The following SYNE2 variants were observed in gnomAD, a reference collection of about 807,000 sequenced individuals.
SYNE2 encodes nesprin-2.
Under a neutral mutation model 856.3 loss-of-function variants are expected in SYNE2, and 431 were observed. The ratio of observed to expected loss-of-function variants is 0.50; its 90% CI spans 0.47 to 0.55. SYNE2 has a LOEUF of 0.55. SYNE2 is among the 20% of genes least tolerant of loss of function. The pLI, the probability that SYNE2 is intolerant of heterozygous loss-of-function variation, is 0.00. For synonymous variants in SYNE2, 2,923 were observed against 2,872.3 expected, an observed-to-expected ratio of 1.02 and a Z score of -0.56; for missense variants, 8,129 against 8,023.2, an observed-to-expected ratio of 1.01 and a Z score of -0.50.
At chr14:63,884,384 C>T (rs911608849) in intron 1 of SYNE2, among the ~76,000 whole-genome samples, 3 of 152,176 alleles carry the variant, frequency 2.0e-5, no homozygotes, top group African/African-American at 7.2e-5. Flanking sequence ...TGTCCAGTAA[C>T]TCCTTGCACG....
chr14:63,849,446 C>A (rs1890334353), upstream of SYNE2, among the ~76,000 whole-genome samples: 1 of 152,052 alleles, frequency 6.6e-6, no homozygotes, highest in African/African-American at 2.4e-5. Flanking sequence ...CTCCTATTAC[C>A]ACCAGGGTTG....
chr14:64,123,868 TCA>T (rs34459065), intron 70 of SYNE2, among the ~76,000 whole-genome samples: 33,435 of 147,970 alleles, frequency 0.23, 6,341 homozygotes, highest in African/African-American at 0.53. Context: ...ATTAATGATT[TCA>T]CACACACACA....
chr14:64,011,516 T>C (rs1188736549), intron 32 of SYNE2, among the ~76,000 whole-genome samples: 1 of 152,200 alleles, frequency 6.6e-6, no homozygotes, highest in East Asian at 1.9e-4. Context: ...CCTTCTGCCG[T>C]GTCCCCGATA....
intron 16 of SYNE2, 74 bp from the exon 17 acceptor site, chr14:63,982,556 G>C: frequency 2.9e-6 from 4 of 1,380,574 alleles, no homozygotes; most frequent in Non-Finnish European, 1.0e-6. Context: ...AAAAGCCTTG[G>C]TGAACATTGA....
intron 101 of SYNE2, 82 bp from the exon 102 acceptor site, chr14:64,209,346 T>G: frequency 6.2e-7 from 1 of 1,608,834 alleles, no homozygotes; most frequent in Non-Finnish European, 8.5e-7. Context: ...CACTAAACCG[T>G]GCGGGTGTCA....
At chr14:64,019,418 TG>T (rs2096919783) in intron 34 of SYNE2, among the ~76,000 whole-genome samples, 1 of 152,234 alleles carries the variant, frequency 6.6e-6, no homozygotes, top group Admixed American at 6.5e-5. Flanking sequence ...TTTTAATTCA[TG>T]TATTTATTTT....
intron 96 of SYNE2, among the ~76,000 whole-genome samples, chr14:64,177,951 T>C (rs1376605618): frequency 2.6e-5 from 4 of 152,216 alleles, no homozygotes; most frequent in African/African-American, 9.7e-5. Flanking sequence ...AATACCACAC[T>C]AGCAAAACTT....
At chr14:64,026,774 A>G (rs1223531916) in intron 42 of SYNE2, 44 bp downstream of exon 42, 4 of 1,573,108 alleles carry the variant, frequency 2.5e-6, no homozygotes, top group African/African-American at 1.3e-5. Context: ...CCCATTGCCC[A>G]GTGAAGCCAT....
intron 31 of SYNE2, among the ~76,000 whole-genome samples, chr14:64,007,768 T>C (rs1187976355): frequency 6.6e-6 from 1 of 152,054 alleles, no homozygotes; most frequent in Non-Finnish European, 1.5e-5. Context: ...CCCAGCACTT[T>C]GGGAGGCTGG....
At chr14:64,143,640 G>T (rs2098158393) in intron 82 of SYNE2, 132 bp from the exon 83 acceptor site, 2 of 926,740 alleles carry the variant, frequency 2.2e-6, no homozygotes, top group Admixed American at 3.7e-5. Flanking sequence ...GGGGAGGGTA[G>T]AACAGAACTC....
chr14:64,037,584 C>T (rs2097102160), intron 45 of SYNE2, among the ~76,000 whole-genome samples: 1 of 151,892 alleles, frequency 6.6e-6, no homozygotes, highest in East Asian at 1.9e-4. Flanking sequence ...CCCCACCTTT[C>T]CCCCCTTTCT....
intron 57 of SYNE2, chr14:64,084,894 G>A (rs749365642): frequency 5.7e-6 from 4 of 698,830 alleles, no homozygotes; most frequent in Non-Finnish European, 1.0e-5. Flanking sequence ...GTGTGAGGGA[G>A]GAGGTGGGAT....
chr14:63,872,144 T>C (rs2140403086), intron 1 of SYNE2, among the ~76,000 whole-genome samples: 1 of 152,242 alleles, frequency 6.6e-6, no homozygotes, highest in Non-Finnish European at 1.5e-5. Flanking sequence ...TTTAAGATTC[T>C]ATCCAGCTTG....
intron 12 of SYNE2, 42 bp downstream of exon 12, chr14:63,976,769 T>C: frequency 6.3e-7 from 1 of 1,584,792 alleles, no homozygotes. Flanking sequence ...ATACATATTT[T>C]GTTAGGGATT....
intron 78 of SYNE2, among the ~76,000 whole-genome samples, chr14:64,136,152 T>G (rs1338916854): frequency 6.6e-6 from 1 of 151,946 alleles, no homozygotes. Context: ...TAGCTGGGTG[T>G]GGTGGCACGT....
At chr14:63,959,007 T>C (rs936551269) in intron 8 of SYNE2, among the ~76,000 whole-genome samples, 3 of 152,176 alleles carry the variant, frequency 2.0e-5, no homozygotes, top group Non-Finnish European at 4.4e-5. Context: ...ATTTTCTTAC[T>C]TTCTGGCCTG....
chr14:63,998,998 C>T lies in SYNE2; in HGVS notation c.3438C>T (p.Asp1146=). ...RITSDFSSEE[D]RSSSCLQAKL... ...CTTCTGATTTCTCTAGTGAAGAGGA[C>T]AGGAGTAGTTCTTGTCTGCAGGCTA... The change falls in exon 27 of 116, where the codon GAC becomes GAT. Residue 1146 remains aspartate (D), a synonymous_variant. Coordinates refer to ENST00000555002, the MANE Select transcript of SYNE2 (RefSeq NM_182914.3). The T allele has an allele frequency of 1.2e-6, 2 of 1,613,896 alleles. No homozygotes were observed. Among genetic ancestry groups the T allele is most frequent in the South Asian group, 1.1e-5 (1 of 91,074 alleles).
In SYNE2 at chr14:64,132,345, C is replaced by G. The variant is rs1567403969; in HGVS notation, c.14421C>G (p.Asn4807Lys). 3 of 1,614,096 alleles carry G rather than the reference C, an allele frequency of 1.9e-6. No homozygotes were observed. The highest frequency in any genetic ancestry group is 1.7e-5 in the Admixed American group (1 of 60,014). Residue 4807 changes from asparagine to lysine, a missense_variant, in exon 77 of 116, where the codon AAC becomes AAG. This residue lies in a region of SYNE2 where 5,410 missense variants were observed against 5,284.8 expected (regional missense o/e 1.02). Coordinates refer to ENST00000555002, the MANE Select transcript of SYNE2 (RefSeq NM_182914.3). ...SAKILPSLLQ[N>K]RETFWAEQVT... ...AAATACTTCCTTCTTTATTGCAAAA[C>G]AGAGAGACATTTTGGGCAGAACAAG...
chr14:63,875,388 G>T (rs1321374026), intron 1 of SYNE2, among the ~76,000 whole-genome samples: 1 of 152,182 alleles, frequency 6.6e-6, no homozygotes, highest in Non-Finnish European at 1.5e-5. Context: ...GTGAGTAAAG[G>T]TGATTCCCAA....
Sources: gnomAD v4.1 joint callset for allele counts (sites outside exome capture counted in the v4.1 genomes callset) on GRCh38, gnomAD v4.1.1 for gene constraint, gnomAD v4.1.1 regional missense constraint, MANE v1.5 for transcripts, NCBI Gene and HGNC (gene_info 2026-07-23, HGNC 2026-07-21) for gene names.